The following GBF1 variants were observed in gnomAD, a reference collection of about 807,000 sequenced individuals.
The protein encoded by GBF1 is Golgi-specific brefeldin A-resistance guanine nucleotide exchange factor 1.
In GBF1, 114 loss-of-function variants were observed where a neutral mutation model predicts 210.5. The ratio of observed to expected loss-of-function variants is 0.54; its 90% confidence interval spans 0.47 to 0.63. The LOEUF is 0.63. Ranked by LOEUF, GBF1 falls within the 30% of genes least tolerant of loss-of-function variation. The probability of loss-of-function intolerance (pLI) is 0.00; values close to 1 mark genes in which losing one functional copy is unlikely to be tolerated. For missense variants in GBF1, 1,851 were observed against 2,357.7 expected, an observed-to-expected ratio of 0.79 and a Z score of 4.45; for synonymous variants, 850 against 889.2, an observed-to-expected ratio of 0.96 and a Z score of 0.78.
At chr10:102,292,825 A>T (rs1303996903) in intron 3 of GBF1, among the ~76,000 whole-genome samples, 1 of 152,204 alleles carries the variant, frequency 6.6e-6, no homozygotes, top group Non-Finnish European at 1.5e-5. Context: ...AATATATTTT[A>T]AAGAGGTAAA....
chr10:102,303,736 C>T (rs1318896973), intron 3 of GBF1, among the ~76,000 whole-genome samples: 1 of 152,174 alleles, frequency 6.6e-6, no homozygotes, highest in Non-Finnish European at 1.5e-5. Flanking sequence ...CTACCAAGTA[C>T]TCTAAATTAT....
chr10:102,359,056 A>T, intron 10 of GBF1: 1 of 597,544 alleles, frequency 1.7e-6, no homozygotes, highest in Non-Finnish European at 3.0e-6. Flanking sequence ...GGTTCTAGTC[A>T]TTGTAGGTCA....
At chr10:102,379,765 C>T (rs2060725151) in intron 35 of GBF1, 88 bp from the exon 36 acceptor site, 1 of 1,467,084 alleles carries the variant, frequency 6.8e-7, no homozygotes, top group Admixed American at 1.7e-5. Context: ...TTCCCTTCAG[C>T]TCTATGCCCA....
At chr10:102,294,942 T>C (rs2076797101) in intron 3 of GBF1, among the ~76,000 whole-genome samples, 2 of 152,318 alleles carry the variant, frequency 1.3e-5, no homozygotes, top group East Asian at 3.9e-4. Flanking sequence ...TGTATCTCTG[T>C]CCTTAAGCAA....
At chr10:102,263,071 C>T (rs2073433206) in intron 3 of GBF1, among the ~76,000 whole-genome samples, 1 of 152,174 alleles carries the variant, frequency 6.6e-6, no homozygotes, top group Non-Finnish European at 1.5e-5. Flanking sequence ...ACAGAATAGA[C>T]CTAAAATAGA....
intron 3 of GBF1, among the ~76,000 whole-genome samples, chr10:102,343,572 C>T (rs2058335244): frequency 6.6e-6 from 1 of 152,068 alleles, no homozygotes; most frequent in Admixed American, 6.6e-5. Context: ...AATCCTAGCT[C>T]TTTGGGAGGG....
At chr10:102,358,443 G>A (rs1234326183) in intron 9 of GBF1, 63 bp from the exon 10 acceptor site, 2 of 1,143,736 alleles carry the variant, frequency 1.7e-6, no homozygotes, top group Non-Finnish European at 2.6e-6. Context: ...TAGTACCATA[G>A]AGGGTTTGTT....
Position 102,330,474 on chromosome 10 carries a change from A to G in GBF1, c.164-13577A>G, listed in dbSNP as rs1029943839. ...TGAGGCAGGCAGATCACCTCAGGTT[A>G]GGAGTTCAAGACCAGCCTGGCCAAC... On this transcript the variant is annotated intron_variant, in intron 3 of 39. Coordinates refer to ENST00000369983, the MANE Select transcript of GBF1 (RefSeq NM_001377137.1). 2.0e-5 allele frequency among the ~76,000 whole-genome samples: 3 copies of G among 152,136 alleles called. No homozygotes were observed. The East Asian group carries it at 5.8e-4, about 29-fold the overall frequency.
At chr10:102,375,679 C>A in intron 30 of GBF1, 95 bp downstream of exon 30, 2 of 764,534 alleles carry the variant, frequency 2.6e-6, no homozygotes, top group South Asian at 3.2e-5. Flanking sequence ...CTGTGTTCAG[C>A]AGATTAAACA....
chr10:102,334,723 C>A (rs1409676565), intron 3 of GBF1, among the ~76,000 whole-genome samples: 2 of 152,136 alleles, frequency 1.3e-5, no homozygotes, highest in Non-Finnish European at 2.9e-5. Flanking sequence ...GTGGCTTGCG[C>A]CTGTAGTCCC....
chr10:102,287,353 T>C (rs1327351945), intron 3 of GBF1, among the ~76,000 whole-genome samples: 4 of 72,568 alleles, frequency 5.5e-5, no homozygotes, highest in South Asian at 4.0e-4. Context: ...TCTTTTTTTT[T>C]TTTTTTTTTT....
chr10:102,301,135 G>A (rs1213996974), intron 3 of GBF1, among the ~76,000 whole-genome samples: 1 of 152,082 alleles, frequency 6.6e-6, no homozygotes, highest in African/African-American at 2.4e-5. Flanking sequence ...GTGGCCTTCC[G>A]CAGTGTTTGT....
chr10:102,278,013 T>C (rs1336010964), intron 3 of GBF1, among the ~76,000 whole-genome samples: 1 of 152,156 alleles, frequency 6.6e-6, no homozygotes, highest in African/African-American at 2.4e-5. Flanking sequence ...TTCTAGCGTT[T>C]TGGGAGGCCA....
chr10:102,264,124 G>A lies in GBF1; in HGVS notation c.163+4008G>A, dbSNP rs1249114688. Among the ~76,000 whole-genome samples, 4 of 152,286 alleles carry A rather than the reference G, an allele frequency of 2.6e-5. No homozygotes were observed. In the East Asian group the frequency reaches 7.7e-4, roughly 29 times the overall value. ...TGAGTATACAAGAAACCACTGAATT[G>A]TATACTTGAAAAGGATAATTTTATA... On this transcript the variant is annotated intron_variant, in intron 3 of 39. Coordinates refer to ENST00000369983, the MANE Select transcript of GBF1 (RefSeq NM_001377137.1).
intron 3 of GBF1, among the ~76,000 whole-genome samples, chr10:102,271,024 A>G (rs940095114): frequency 2.0e-5 from 3 of 148,472 alleles, no homozygotes; most frequent in Non-Finnish European, 4.5e-5. Context: ...TTTTTATTTT[A>G]TTTTATTTTA....
chr10:102,268,999 A>C (rs1444540814), intron 3 of GBF1, among the ~76,000 whole-genome samples: 1 of 152,222 alleles, frequency 6.6e-6, no homozygotes, highest in Admixed American at 6.5e-5. Flanking sequence ...GGAAACCAGG[A>C]GATAATTTGC....
rs1357175719 is a variant in GBF1 at position 102,282,297 on chromosome 10, C to A, written c.163+22181C>A. On this transcript the variant is annotated intron_variant, in intron 3 of 39. Coordinates refer to ENST00000369983, the MANE Select transcript of GBF1 (RefSeq NM_001377137.1). ...ATAGACTGTGCCTTTATTAATATTC[C>A]CCTTTTACAGATAAAACTCAGGTTC... Among the ~76,000 whole-genome samples the A allele has an allele frequency of 2.6e-5, 4 of 152,160 alleles. No homozygotes were observed. The South Asian group carries it at 8.3e-4, about 32-fold the overall frequency.
chr10:102,249,113 G>C (rs4244351), intron 1 of GBF1, among the ~76,000 whole-genome samples: 101,967 of 152,120 alleles, frequency 0.67, 34,806 homozygotes, highest in African/African-American at 0.81. Flanking sequence ...TCAGGCCAAA[G>C]AAAATATGTC....
chr10:102,353,060 G>C (rs1233394096), intron 7 of GBF1, among the ~76,000 whole-genome samples: 1 of 152,104 alleles, frequency 6.6e-6, no homozygotes, highest in African/African-American at 2.4e-5. Context: ...CAGACTCACA[G>C]AAGAGCTGAG....
Sources: gnomAD v4.1 joint callset for allele counts (sites outside exome capture counted in the v4.1 genomes callset) on GRCh38, gnomAD v4.1.1 for gene constraint, MANE v1.5 for transcripts, NCBI Gene and HGNC (gene_info 2026-07-23, HGNC 2026-07-21) for gene names.